Variants in RGS17 observed in about 807,000 individuals in gnomAD.
The protein encoded by RGS17 is regulator of G-protein signaling 17.
Under a neutral mutation model 25.5 loss-of-function variants are expected in RGS17, and 12 were observed. That is an observed-to-expected ratio of 0.47 (90% confidence interval 0.30 to 0.76). RGS17 has a LOEUF of 0.76. Among genes scored for constraint, RGS17 ranks in the 30% least tolerant of loss-of-function variants. RGS17 has a pLI of 0.07. For synonymous variants in RGS17, 71 were observed against 76.9 expected, an observed-to-expected ratio of 0.92 and a Z score of 0.40; for missense variants, 196 against 242.2, an observed-to-expected ratio of 0.81 and a Z score of 1.27.
chr6:153,055,318 C>T (rs994079238), intron 1 of RGS17, among the ~76,000 whole-genome samples: 2 of 152,066 alleles, frequency 1.3e-5, no homozygotes, highest in African/African-American at 2.4e-5. Flanking sequence ...TTAAGCCAAA[C>T]ACATTTTCTT....
rs1449591902 is a variant in RGS17 at position 153,054,106 on chromosome 6, ATATATATGTG to A, written c.-25-10073_-25-10064del. Among the ~76,000 whole-genome samples, 660 of 102,030 alleles carry A rather than the reference ATATATATGTG, an allele frequency of 6.5e-3. 68 individuals carry two copies. The highest frequency in any genetic ancestry group is 0.012 in the African/African-American group (299 of 25,688). The allele number at this position is 102,030 out of a possible 152,430, so 66.9% of individuals were successfully genotyped here. A position where few individuals can be genotyped will look rare whatever the true frequency, so the allele number is the denominator to read the frequency against. On this transcript the variant is annotated intron_variant, in intron 1 of 4. Transcript: ENST00000206262. ...CACAATATTTTTTATATATATATAT[ATATATATGTG>A]TATATATATATATATACAGCTTTAT... is the stretch of plus-strand genomic sequence containing the variant.
intron 1 of RGS17, among the ~76,000 whole-genome samples, chr6:153,076,751 T>C (rs1584146154): frequency 6.6e-6 from 1 of 152,168 alleles, no homozygotes; most frequent in Admixed American, 6.5e-5. Context: ...TTTACTAGAC[T>C]GAATAAATAC....
intron 1 of RGS17, among the ~76,000 whole-genome samples, chr6:153,129,826 T>C (rs1777759647): frequency 6.6e-6 from 1 of 152,042 alleles, no homozygotes; most frequent in African/African-American, 2.4e-5. Context: ...TCAGGGGAGG[T>C]CAGGAGAGTT....
At chr6:153,025,091 C>T (rs1300762481) in intron 3 of RGS17, among the ~76,000 whole-genome samples, 1 of 151,782 alleles carries the variant, frequency 6.6e-6, no homozygotes, top group Non-Finnish European at 1.5e-5. Flanking sequence ...GGGAGGATCT[C>T]TTGAGTCCAG....
intron 4 of RGS17, among the ~76,000 whole-genome samples, chr6:153,019,846 T>G (rs1362112688): frequency 6.6e-6 from 1 of 152,048 alleles, no homozygotes; most frequent in Admixed American, 6.6e-5. Context: ...AATGCAAGAT[T>G]GGCCTAACAC....
chr6:153,072,482 T>C (rs1776818900), intron 1 of RGS17, among the ~76,000 whole-genome samples: 1 of 152,224 alleles, frequency 6.6e-6, no homozygotes. Context: ...GACATTGCCA[T>C]TTTATAAATA....
intron 2 of RGS17, among the ~76,000 whole-genome samples, chr6:153,037,455 T>G (rs1255314470): frequency 6.8e-6 from 1 of 148,078 alleles, no homozygotes; most frequent in Non-Finnish European, 1.5e-5. Context: ...TGAGACAGAG[T>G]CTCTCTGTTG....
intron 1 of RGS17, among the ~76,000 whole-genome samples, chr6:153,053,960 A>T (rs1312397454): frequency 3.9e-4 from 6 of 15,266 alleles, no homozygotes; most frequent in Admixed American, 1.3e-3. Context: ...ATACATATAT[A>T]TTATATACAT....
chr6:153,035,808 G>C (rs1776232512), intron 2 of RGS17, among the ~76,000 whole-genome samples: 1 of 152,256 alleles, frequency 6.6e-6, no homozygotes, highest in South Asian at 2.1e-4. Flanking sequence ...AGCATATGGG[G>C]TCTTAGAGTC....
At chr6:153,020,639 C>T (rs62436128) in intron 4 of RGS17, among the ~76,000 whole-genome samples, 2,713 of 152,018 alleles carry the variant, frequency 0.018, 34 homozygotes, top group Non-Finnish European at 0.024. Flanking sequence ...AACACAAATA[C>T]GCAATCAAAT....
chr6:153,122,989 AC>A (rs1280731374), intron 1 of RGS17, among the ~76,000 whole-genome samples: 319 of 109,692 alleles, frequency 2.9e-3, no homozygotes, highest in Middle Eastern at 9.1e-3. Context: ...ACATTGGAGT[AC>A]ATTGGAGTAC....
chr6:153,022,099 T>G (rs1779253368), intron 4 of RGS17, among the ~76,000 whole-genome samples: 1 of 152,030 alleles, frequency 6.6e-6, no homozygotes, highest in Non-Finnish European at 1.5e-5. Context: ...TCCCAGCTAC[T>G]TGGGCGGCTG....
chr6:153,121,925 C>T (rs12197245), intron 1 of RGS17, among the ~76,000 whole-genome samples: 16,993 of 152,100 alleles, frequency 0.11, 1,049 homozygotes, highest in East Asian at 0.18. Context: ...CTTGCATTAC[C>T]CAGATGTTCA....
intron 1 of RGS17, among the ~76,000 whole-genome samples, chr6:153,100,213 AATTTT>A (rs1240999726): frequency 1.3e-5 from 2 of 152,212 alleles, no homozygotes; most frequent in Non-Finnish European, 2.9e-5. Flanking sequence ...AGACCAAATT[AATTTT>A]ATTTATGTGC....
intron 1 of RGS17, among the ~76,000 whole-genome samples, chr6:153,099,014 C>T (rs1777257353): frequency 6.6e-6 from 1 of 151,646 alleles, no homozygotes; most frequent in African/African-American, 2.4e-5. Flanking sequence ...CTCTTGTCCC[C>T]CCGTCCAAAA....
In RGS17 at chr6:153,011,599, G is replaced by T; in HGVS notation, c.608C>A (p.Thr203Asn). Reference sequence around the variant, plus strand: ...TTAAGATTCAGAAGAAGAGCCAGCAGTACTTTCAACAAATGACTTATAAAT... The same window carrying T: ...TTAAGATTCAGAAGAAGAGCCAGCATTACTTTCAACAAATGACTTATAAAT... ...SQIYKSFVES[T>N]AGSSSES is the part of the protein sequence containing the mutation. The change falls in exon 5 of 5, where the codon ACT becomes AAT. Residue 203 changes from threonine to asparagine, a missense_variant. By Grantham distance (65) the Thr-to-Asn change is moderately conservative. This residue lies in a region of RGS17 where 179 missense variants were observed against 197.6 expected (regional missense o/e 0.91). Coordinates refer to ENST00000206262, the MANE Select transcript of RGS17 (RefSeq NM_012419.5). The T allele has an allele frequency of 6.2e-7, 1 of 1,609,296 alleles. No individual in the cohort carries two copies. Among genetic ancestry groups the T allele is most frequent in the Non-Finnish European group, 8.5e-7 (1 of 1,177,088 alleles).
rs1779260785 is a variant in RGS17, at chr6:153,022,936, CT to C, written c.444+1325del. Reference sequence around the variant, plus strand: ...CATTTATTAAATTCTCCCCACCTTGCTTTTATGAATACATTTTTCATGTTCA... The same window carrying C: ...CATTTATTAAATTCTCCCCACCTTGCTTTATGAATACATTTTTCATGTTCA... On this transcript the variant is annotated intron_variant, in intron 4 of 4. Coordinates refer to ENST00000206262, the MANE Select transcript of RGS17 (RefSeq NM_012419.5). Among the ~76,000 whole-genome samples, 9 of 152,104 alleles carry C rather than the reference CT, an allele frequency of 5.9e-5. No individual in the cohort carries two copies. The South Asian group carries it at 1.9e-3, about 32-fold the overall frequency.
intron 3 of RGS17, among the ~76,000 whole-genome samples, chr6:153,025,146 C>CAA (rs35138283): frequency 4.7e-4 from 70 of 148,932 alleles, no homozygotes; most frequent in Admixed American, 1.5e-3. Flanking sequence ...CCTGTCTCTG[C>CAA]AAAAAAAAAA....
At chr6:153,049,932 GC>G (rs1344456389) in intron 1 of RGS17, among the ~76,000 whole-genome samples, 1 of 152,012 alleles carries the variant, frequency 6.6e-6, no homozygotes, top group Non-Finnish European at 1.5e-5. Flanking sequence ...TAATAATTAG[GC>G]AATGGCATGG....
Sources: gnomAD v4.1 joint callset for allele counts (sites outside exome capture counted in the v4.1 genomes callset) on GRCh38, gnomAD v4.1.1 for gene constraint, gnomAD v4.1.1 regional missense constraint, MANE v1.5 for transcripts, NCBI Gene and HGNC (gene_info 2026-07-23, HGNC 2026-07-21) for gene names.